The following TSHZ3 variants were observed in gnomAD, a reference collection of about 807,000 sequenced individuals.
TSHZ3 encodes teashirt zinc finger homeobox 3, also known as teashirt homolog 3.
A neutral mutation model predicts 64.5 loss-of-function variants in TSHZ3; 10 were observed. The ratio of observed to expected loss-of-function variants is 0.16; its 90% confidence interval spans 0.10 to 0.26. TSHZ3 has a LOEUF of 0.26. Ranked by LOEUF, TSHZ3 falls within the 10% of genes least tolerant of loss-of-function variation. The pLI is 1.00. For missense variants in TSHZ3, 1,242 were observed against 1,421.7 expected, an observed-to-expected ratio of 0.87 and a Z score of 2.03; for synonymous variants, 608 against 593.1, an observed-to-expected ratio of 1.03 and a Z score of -0.36.
intron 3 of TSHZ3, among the ~76,000 whole-genome samples, chr19:31,238,138 A>T (rs1225765193): frequency 2.6e-5 from 4 of 152,164 alleles, no homozygotes; most frequent in African/African-American, 9.7e-5. Context: ...AATCTTTGAC[A>T]TCTTCATCTA....
At chr19:31,206,253 A>G (rs1043737097) in intron 4 of TSHZ3, among the ~76,000 whole-genome samples, 1 of 151,698 alleles carries the variant, frequency 6.6e-6, no homozygotes, top group South Asian at 2.1e-4. Context: ...AAGTGGGTGG[A>G]TTAATGGATG....
intron 1 of TSHZ3, among the ~76,000 whole-genome samples, chr19:31,314,600 G>A (rs547095940): frequency 1.4e-4 from 21 of 152,292 alleles, no homozygotes; most frequent in Non-Finnish European, 2.6e-4. Context: ...GAATTGTTCC[G>A]AGTGCCAGAT....
chr19:31,288,277 C>T (rs961988304), intron 1 of TSHZ3, among the ~76,000 whole-genome samples: 3 of 152,180 alleles, frequency 2.0e-5, no homozygotes, highest in Non-Finnish European at 2.9e-5. Context: ...CCTGCCCTTT[C>T]CTCAGAGCCA....
chr19:31,280,852 T>G (rs1976349542), intron 1 of TSHZ3, among the ~76,000 whole-genome samples: 1 of 152,202 alleles, frequency 6.6e-6, no homozygotes, highest in African/African-American at 2.4e-5. Context: ...ACAGGGTGTT[T>G]TTTTTGTTTT....
At chr19:31,235,838 C>T (rs1975607627) in intron 3 of TSHZ3, among the ~76,000 whole-genome samples, 1 of 151,278 alleles carries the variant, frequency 6.6e-6, no homozygotes, top group African/African-American at 2.4e-5. Flanking sequence ...CCTCAGCCTC[C>T]AAAGTATCTG....
At chr19:31,307,362 G>A (rs776071867) in intron 1 of TSHZ3, among the ~76,000 whole-genome samples, 1 of 152,086 alleles carries the variant, frequency 6.6e-6, no homozygotes, top group Non-Finnish European at 1.5e-5. Flanking sequence ...CTACGATGGG[G>A]CCAACTGCAT....
At chr19:31,280,464 C>T (rs998011732) in intron 1 of TSHZ3, among the ~76,000 whole-genome samples, 1 of 152,048 alleles carries the variant, frequency 6.6e-6, no homozygotes, top group South Asian at 2.1e-4. Flanking sequence ...TACCACCCAG[C>T]CCCCAGCCCT....
intron 4 of TSHZ3, among the ~76,000 whole-genome samples, chr19:31,223,203 A>C (rs1975412963): frequency 6.6e-6 from 1 of 152,194 alleles, no homozygotes; most frequent in Admixed American, 6.5e-5. Flanking sequence ...TATTAGGGTC[A>C]GCTAATAAAA....
intron 1 of TSHZ3, among the ~76,000 whole-genome samples, chr19:31,341,708 A>G (rs1917445500): frequency 6.6e-6 from 1 of 151,716 alleles, no homozygotes; most frequent in South Asian, 2.1e-4. Context: ...GAAAACCTAC[A>G]GAACAGCTCC....
At chr19:31,350,675 G>C (rs1011529651), upstream of TSHZ3, among the ~76,000 whole-genome samples, 7 of 151,618 alleles carry the variant, frequency 4.6e-5, no homozygotes, top group Non-Finnish European at 1.0e-4. Flanking sequence ...GCAAGAAGGA[G>C]CTGGCTGGGC....
At chr19:31,210,095 G>A (rs1447014112) in intron 4 of TSHZ3, among the ~76,000 whole-genome samples, 2 of 152,114 alleles carry the variant, frequency 1.3e-5, no homozygotes, top group African/African-American at 2.4e-5. Flanking sequence ...CCAGAGTGGA[G>A]GAGAAAGGGA....
At chr19:31,158,658 C>A (rs768411859) in intron 5 of TSHZ3, among the ~76,000 whole-genome samples, 1 of 152,124 alleles carries the variant, frequency 6.6e-6, no homozygotes, top group South Asian at 2.1e-4. Context: ...ACATTGTAAT[C>A]ATATAATGAA....
chr19:31,168,226 G>A (rs2279705), intron 5 of TSHZ3, among the ~76,000 whole-genome samples: 108,397 of 152,054 alleles, frequency 0.71, 38,897 homozygotes, highest in Non-Finnish European at 0.75. Context: ...GTGATCTTGC[G>A]TGGTTGATAA....
intron 1 of TSHZ3, among the ~76,000 whole-genome samples, chr19:31,246,942 G>T (rs1333006926): frequency 6.6e-6 from 1 of 152,090 alleles, no homozygotes; most frequent in Admixed American, 6.6e-5. Flanking sequence ...GGCCAAATAT[G>T]AGGCAAATTT....
chr19:31,308,248 C>A (rs7245738), intron 1 of TSHZ3: 85,567 of 155,364 alleles, frequency 0.55, 25,331 homozygotes, highest in African/African-American at 0.79. Flanking sequence ...CTGTGCTCGC[C>A]AGGCATGAAC....
rs530070390 is a variant in TSHZ3 at position 31,187,584 on chromosome 19, G to A, written n.809+17372C>T. On this transcript the variant is annotated intron_variant and non_coding_transcript_variant, in intron 5 of 6. Coordinates refer to the TSHZ3 transcript ENST00000651361. ...TATATAGTTTTAGCTTTTACACTTA[G>A]GTCTATAATCTATCATAAATTAATT... Among the ~76,000 whole-genome samples, 86 of 151,900 alleles carry A rather than the reference G, an allele frequency of 5.7e-4. No homozygotes were observed. The South Asian group carries it at 0.011, about 19-fold the overall frequency.
chr19:31,234,362 C>T (rs907977425), intron 3 of TSHZ3, among the ~76,000 whole-genome samples: 1 of 151,606 alleles, frequency 6.6e-6, no homozygotes, highest in African/African-American at 2.4e-5. Flanking sequence ...TTTTTAAATT[C>T]GTTTGTTTAT....
At chr19:31,286,134 T>C (rs1976459764) in intron 1 of TSHZ3, among the ~76,000 whole-genome samples, 2 of 152,136 alleles carry the variant, frequency 1.3e-5, no homozygotes, top group East Asian at 3.9e-4. Flanking sequence ...ACATCTCACT[T>C]TCCTTACCCC....
Position 31,276,753 on chromosome 19 carries a change from T to A in TSHZ3, c.3040A>T (p.Ile1014Phe). 10 of 1,613,722 alleles carry A rather than the reference T, an allele frequency of 6.2e-6. No individual in the cohort carries two copies. Among genetic ancestry groups the A allele is most frequent in the Non-Finnish European group, 8.5e-6 (10 of 1,179,608 alleles). Residue 1014 changes from isoleucine to phenylalanine, a missense_variant, in exon 2 of 2, where the codon ATT becomes TTT. Ile to Phe is a conservative substitution (Grantham distance 21). Transcript: ENST00000240587. ...RDLSKLSTEQINSQIAQTKSP... is the reference protein window; with the variant it reads ...RDLSKLSTEQFNSQIAQTKSP... ...TTGGTTTGTGCTATCTGACTGTTAA[T>A]CTGTTCGGTGGACAGTTTGGATAAG...
Sources: gnomAD v4.1 joint callset for allele counts (sites outside exome capture counted in the v4.1 genomes callset) on GRCh38, gnomAD v4.1.1 for gene constraint, MANE v1.5 for transcripts, NCBI Gene and HGNC (gene_info 2026-07-23, HGNC 2026-07-21) for gene names.